Variants in PRKCA observed in about 807,000 individuals in gnomAD.
PRKCA encodes the protein protein kinase C alpha.
In PRKCA, 27 loss-of-function variants were observed where a neutral mutation model predicts 87.0. The observed-to-expected ratio is 0.31, with a 90% confidence interval of 0.23 to 0.43. The LOEUF (loss-of-function observed/expected upper bound fraction) is 0.43. PRKCA is among the 20% of genes least tolerant of loss of function. The pLI is 1.00. For synonymous variants in PRKCA, 329 were observed against 311.1 expected, an observed-to-expected ratio of 1.06 and a Z score of -0.61; for missense variants, 518 against 852.3, an observed-to-expected ratio of 0.61 and a Z score of 4.88.
chr17:66,697,049 G>A (rs1321539199), intron 8 of PRKCA, among the ~76,000 whole-genome samples: 5 of 152,206 alleles, frequency 3.3e-5, no homozygotes, highest in Middle Eastern at 3.4e-3. Context: ...ATAGACCATC[G>A]TCATCACACC....
At chr17:66,403,526 T>A (rs1388115931) in intron 2 of PRKCA, 1 of 152,142 alleles carries the variant, frequency 6.6e-6, no homozygotes, top group Non-Finnish European at 1.5e-5. Context: ...CCTTGGCCAA[T>A]CAAAGGGAAA....
intron 14 of PRKCA, chr17:66,777,577 A>C: frequency 1.0e-6 from 1 of 985,026 alleles, no homozygotes; most frequent in Non-Finnish European, 1.2e-6. Flanking sequence ...CCTCTTTAAA[A>C]TTTTTACAGT....
At chr17:66,607,052 T>C (rs1454823543) in intron 3 of PRKCA, among the ~76,000 whole-genome samples, 1 of 152,206 alleles carries the variant, frequency 6.6e-6, no homozygotes, top group African/African-American at 2.4e-5. Context: ...ATGCAATTAC[T>C]TTTAAGTTTT....
chr17:66,651,085 T>C (rs780245548), intron 5 of PRKCA, among the ~76,000 whole-genome samples: 3 of 151,952 alleles, frequency 2.0e-5, no homozygotes, highest in Non-Finnish European at 4.4e-5. Flanking sequence ...AGGTGACAGC[T>C]TCACATCGGA....
chr17:66,384,603 C>T (rs749061266), intron 2 of PRKCA, among the ~76,000 whole-genome samples: 2 of 152,034 alleles, frequency 1.3e-5, no homozygotes, highest in Non-Finnish European at 2.9e-5. Context: ...ACAATGACTC[C>T]CTTCTCTGGT....
chr17:66,692,845 A>G (rs776642559), intron 8 of PRKCA, among the ~76,000 whole-genome samples: 69 of 152,158 alleles, frequency 4.5e-4, no homozygotes, highest in Non-Finnish European at 8.5e-4. Context: ...TGTTAAGTTC[A>G]ATGATGAATC....
At chr17:66,735,187 A>G (rs947927216) in intron 9 of PRKCA, among the ~76,000 whole-genome samples, 1 of 152,190 alleles carries the variant, frequency 6.6e-6, no homozygotes, top group Non-Finnish European at 1.5e-5. Context: ...GCATTATTCC[A>G]GACTAATCCT....
At chr17:66,761,107 C>T (rs1974672662) in intron 13 of PRKCA, among the ~76,000 whole-genome samples, 1 of 152,168 alleles carries the variant, frequency 6.6e-6, no homozygotes, top group Non-Finnish European at 1.5e-5. Flanking sequence ...CGCAGTGGCT[C>T]ACACCTGTAA....
At chr17:66,654,584 A>C (rs1293506843) in intron 5 of PRKCA, among the ~76,000 whole-genome samples, 2 of 152,108 alleles carry the variant, frequency 1.3e-5, no homozygotes, top group Non-Finnish European at 2.9e-5. Flanking sequence ...GTGATTACTC[A>C]CAGCTGTTTC....
At chr17:66,629,183 G>T (rs927564304) in intron 3 of PRKCA, among the ~76,000 whole-genome samples, 3 of 152,306 alleles carry the variant, frequency 2.0e-5, no homozygotes, top group Admixed American at 2.0e-4. Context: ...TCGAGAAAAA[G>T]ACATGGTTAC....
At chr17:66,684,842 T>C (rs1972581970) in intron 5 of PRKCA, among the ~76,000 whole-genome samples, 1 of 152,234 alleles carries the variant, frequency 6.6e-6, no homozygotes, top group African/African-American at 2.4e-5. Context: ...GTATTAGACA[T>C]TCCAGGGCAT....
intron 3 of PRKCA, among the ~76,000 whole-genome samples, chr17:66,542,834 T>C (rs1968029247): frequency 6.6e-6 from 1 of 152,246 alleles, no homozygotes; most frequent in Admixed American, 6.5e-5. Context: ...TGACAAGTCA[T>C]TTCATTCTAG....
intron 11 of PRKCA, among the ~76,000 whole-genome samples, chr17:66,739,179 C>T (rs9897003): frequency 0.22 from 33,381 of 152,052 alleles, 4,969 homozygotes; most frequent in East Asian, 0.43. Flanking sequence ...AGCCACCATG[C>T]CCAGCCCCAA....
intron 13 of PRKCA, among the ~76,000 whole-genome samples, chr17:66,748,210 G>A (rs190645092): frequency 1.6e-3 from 244 of 152,330 alleles, no homozygotes; most frequent in African/African-American, 5.3e-3. Flanking sequence ...AGCCATTCTG[G>A]GGTCACAGCT....
intron 5 of PRKCA, among the ~76,000 whole-genome samples, chr17:66,683,740 C>T (rs1972553119): frequency 6.6e-6 from 1 of 152,130 alleles, no homozygotes; most frequent in African/African-American, 2.4e-5. Flanking sequence ...TCTGGGATTA[C>T]AGGTGCCCAC....
intron 2 of PRKCA, among the ~76,000 whole-genome samples, chr17:66,394,501 G>A (rs1402583687): frequency 1.3e-5 from 2 of 152,212 alleles, no homozygotes; most frequent in African/African-American, 4.8e-5. Flanking sequence ...ACGACATCGG[G>A]CACACCTGCT....
At chr17:66,445,497 A>G (rs1440840647) in intron 2 of PRKCA, among the ~76,000 whole-genome samples, 1 of 152,258 alleles carries the variant, frequency 6.6e-6, no homozygotes, top group East Asian at 1.9e-4. Flanking sequence ...GCACAGGCCT[A>G]ATTGAAACCA....
intron 8 of PRKCA, among the ~76,000 whole-genome samples, chr17:66,729,193 G>A (rs1432437670): frequency 6.6e-6 from 1 of 152,032 alleles, no homozygotes; most frequent in East Asian, 1.9e-4. Context: ...AGATGGATCA[G>A]GAGTTCGAGA....
intron 3 of PRKCA, among the ~76,000 whole-genome samples, chr17:66,556,437 T>A (rs1199720661): frequency 6.6e-6 from 1 of 151,802 alleles, no homozygotes; most frequent in Non-Finnish European, 1.5e-5. Flanking sequence ...ATTGAAAATG[T>A]TGATTCCTGG....
Sources: allele counts gnomAD v4.1 joint callset (sites outside exome capture counted in the v4.1 genomes callset), GRCh38; gene constraint gnomAD v4.1.1; transcripts MANE v1.5; gene names NCBI Gene and HGNC (gene_info 2026-07-23, HGNC 2026-07-21).